Variants in SRBD1 observed in about 807,000 individuals in gnomAD.
SRBD1 encodes the protein S1 RNA binding domain 1.
In SRBD1, 88 loss-of-function variants were observed where a neutral mutation model predicts 115.3. The ratio of observed to expected loss-of-function variants is 0.76; its 90% CI spans 0.64 to 0.91. The LOEUF is 0.91. SRBD1 is among the 40% of genes least tolerant of loss of function. The pLI, the probability that SRBD1 is intolerant of heterozygous loss-of-function variation, is 0.00. For missense variants in SRBD1, 1,385 were observed against 1,177.4 expected (o/e 1.18, Z -2.58); for synonymous variants, 509 against 407.7 (o/e 1.25, Z -2.99).
chr2:45,403,534 A>G (rs1248789962), intron 19 of SRBD1, among the ~76,000 whole-genome samples: 1 of 152,168 alleles, frequency 6.6e-6, no homozygotes, highest in Non-Finnish European at 1.5e-5. Context: ...ACAGGCTCTT[A>G]TGATCCATGT....
chr2:45,438,280 G>A (rs1034778443), intron 16 of SRBD1, among the ~76,000 whole-genome samples: 1 of 152,100 alleles, frequency 6.6e-6, no homozygotes, highest in African/African-American at 2.4e-5. Context: ...CTCTTTAAAG[G>A]AAGACAACAA....
intron 12 of SRBD1, 30 bp from the exon 13 acceptor site, chr2:45,547,642 T>C: frequency 6.4e-7 from 1 of 1,562,376 alleles, no homozygotes; most frequent in South Asian, 1.2e-5. Flanking sequence ...TAAGCCATTT[T>C]ATAAGAAATT....
At chr2:45,603,624 G>T (rs912405983) in intron 2 of SRBD1, among the ~76,000 whole-genome samples, 4 of 152,084 alleles carry the variant, frequency 2.6e-5, no homozygotes, top group African/African-American at 4.8e-5. Flanking sequence ...CCACCTCCTG[G>T]GTTCAAGTGA....
intron 13 of SRBD1, 119 bp downstream of exon 13, chr2:45,547,403 T>C (rs1183961606): frequency 3.7e-6 from 3 of 814,704 alleles, no homozygotes; most frequent in Non-Finnish European, 5.8e-6. Flanking sequence ...CTGTTTTATA[T>C]GGTTTATTGT....
At chr2:45,606,470 A>G (rs1052266703) in intron 1 of SRBD1, among the ~76,000 whole-genome samples, 1 of 152,144 alleles carries the variant, frequency 6.6e-6, no homozygotes, top group Non-Finnish European at 1.5e-5. Context: ...TATTCTATAT[A>G]TTCTTAATGA....
chr2:45,521,871 G>A (rs899959508), intron 14 of SRBD1, among the ~76,000 whole-genome samples: 1 of 151,998 alleles, frequency 6.6e-6, no homozygotes, highest in South Asian at 2.1e-4. Flanking sequence ...AGGAGGCTCA[G>A]CTGGGAGGAT....
intron 16 of SRBD1, among the ~76,000 whole-genome samples, chr2:45,460,390 T>G (rs939063665): frequency 6.6e-6 from 1 of 151,664 alleles, no homozygotes; most frequent in African/African-American, 2.4e-5. Flanking sequence ...ATGAGGGGGG[T>G]TCTGAATGAG....
At chr2:45,391,233 C>G (rs147860998) in intron 20 of SRBD1, among the ~76,000 whole-genome samples, 1 of 152,122 alleles carries the variant, frequency 6.6e-6, no homozygotes, top group African/African-American at 2.4e-5. Context: ...CCTCTGTGTA[C>G]CATGCAAACT....
At chr2:45,491,751 C>A (rs879518086) in intron 14 of SRBD1, among the ~76,000 whole-genome samples, 10 of 152,180 alleles carry the variant, frequency 6.6e-5, no homozygotes, top group Admixed American at 5.9e-4. Context: ...AGTAAAGTAC[C>A]TACAATATCA....
rs189685156 is a variant in SRBD1, at chr2:45,495,770, A to C, written c.1875-7439T>G. ...AACTGTGGAAGAAACCGTTGTTTGC[A>C]ACAGTACTATAAACATTCCAGGTTC... On this transcript the variant is annotated intron_variant, in intron 14 of 20. Coordinates refer to ENST00000263736, the MANE Select transcript of SRBD1 (RefSeq NM_018079.5). 2.0e-4 allele frequency among the ~76,000 whole-genome samples: 31 copies of C among 152,332 alleles called. No individual in the cohort carries two copies. In the East Asian group the frequency reaches 5.8e-3, roughly 28 times the overall value.
At chr2:45,587,042 T>A (rs1430152340) in intron 4 of SRBD1, among the ~76,000 whole-genome samples, 8 of 78,510 alleles carry the variant, frequency 1.0e-4, no homozygotes, top group Middle Eastern at 5.2e-3. Flanking sequence ...TAAAAATTTT[T>A]AAATATTTAA....
intron 15 of SRBD1, among the ~76,000 whole-genome samples, chr2:45,486,787 G>T (rs1157076696): frequency 1.3e-5 from 2 of 150,580 alleles, no homozygotes; most frequent in East Asian, 3.9e-4. Context: ...TTAAAAAGTG[G>T]GGATAATAAT....
intron 19 of SRBD1, among the ~76,000 whole-genome samples, chr2:45,394,289 G>C (rs1667083818): frequency 6.6e-6 from 1 of 152,164 alleles, no homozygotes; most frequent in Non-Finnish European, 1.5e-5. Flanking sequence ...AAGAATTGAA[G>C]GGTTAAGATG....
chr2:45,435,698 C>G (rs987942319), intron 16 of SRBD1, among the ~76,000 whole-genome samples: 2 of 152,120 alleles, frequency 1.3e-5, no homozygotes, highest in Admixed American at 6.6e-5. Context: ...ACCCCGGATA[C>G]TCTGCTGATA....
chr2:45,399,230 C>G (rs1667228457), intron 19 of SRBD1, among the ~76,000 whole-genome samples: 1 of 151,938 alleles, frequency 6.6e-6, no homozygotes, highest in African/African-American at 2.4e-5. Flanking sequence ...ATGCTGAAAC[C>G]AACAAAGAAT....
At chr2:45,529,199 A>G (rs1671539010) in intron 14 of SRBD1, among the ~76,000 whole-genome samples, 1 of 151,942 alleles carries the variant, frequency 6.6e-6, no homozygotes, top group Non-Finnish European at 1.5e-5. Context: ...TGCATGCACT[A>G]GATTTTGGAG....
At chr2:45,486,218 G>A (rs115777111) in intron 15 of SRBD1, among the ~76,000 whole-genome samples, 3,846 of 152,232 alleles carry the variant, frequency 0.025, 78 homozygotes, top group Non-Finnish European at 0.038. Context: ...CTTCAGCAGC[G>A]GGAGGCCTGA....
chr2:45,565,771 G>A lies in SRBD1; in HGVS notation c.1306-3015C>T, dbSNP rs540519917. The stretch of plus-strand genomic sequence containing the variant: ...AAAACTCCTACAGCTCAACAATAAG[G>A]AGACAAAACCCAATTTATTCATTTA... On this transcript the variant is annotated intron_variant, in intron 9 of 20. Transcript: ENST00000263736. Among the ~76,000 whole-genome samples the A allele has an allele frequency of 2.0e-5, 3 of 152,252 alleles. No homozygotes were observed. The South Asian group carries it at 6.2e-4, about 32-fold the overall frequency.
At chr2:45,434,387 C>T (rs1482116204) in intron 16 of SRBD1, among the ~76,000 whole-genome samples, 1 of 152,144 alleles carries the variant, frequency 6.6e-6, no homozygotes, top group Non-Finnish European at 1.5e-5. Flanking sequence ...CTGGAATCTC[C>T]ATTCACCTCA....
Sources: allele counts gnomAD v4.1 joint callset (sites outside exome capture counted in the v4.1 genomes callset), GRCh38; gene constraint gnomAD v4.1.1; transcripts MANE v1.5; gene names NCBI Gene and HGNC (gene_info 2026-07-23, HGNC 2026-07-21).